Variants in SMIM7 observed in about 807,000 individuals in gnomAD.
SMIM7 encodes the protein small integral membrane protein 7, also known as UPF0608 protein C19orf42.
A neutral mutation model predicts 13.3 loss-of-function variants in SMIM7; 12 were observed. The ratio of observed to expected loss-of-function variants is 0.90; its 90% confidence interval spans 0.58 to 1.46. The LOEUF is 1.46. SMIM7 is among the 40% of genes most tolerant of loss of function. The probability of loss-of-function intolerance (pLI) is 0.00; values close to 1 mark genes in which losing one functional copy is unlikely to be tolerated. For synonymous variants in SMIM7, 36 were observed against 35.8 expected, an observed-to-expected ratio of 1.01 and a Z score of -0.02; for missense variants, 114 against 94.8, an observed-to-expected ratio of 1.20 and a Z score of -0.84.
chr19:16,642,978 C>G (rs1054187067), downstream of SMIM7, among the ~76,000 whole-genome samples: 11 of 151,912 alleles, frequency 7.2e-5, no homozygotes, highest in Non-Finnish European at 1.2e-4. Context: ...CGTGCGCCAC[C>G]ACACCTGGCT....
intron 4 of SMIM7, among the ~76,000 whole-genome samples, chr19:16,650,035 A>T (rs1246289449): frequency 2.0e-5 from 3 of 152,152 alleles, no homozygotes; most frequent in Non-Finnish European, 4.4e-5. Context: ...AATGTTCTGA[A>T]ATTGGATAGA....
intron 4 of SMIM7, among the ~76,000 whole-genome samples, chr19:16,635,899 A>AATATATATATATATATATAT (rs1170352437): frequency 9.1e-6 from 1 of 109,600 alleles, no homozygotes; most frequent in Admixed American, 9.5e-5. Context: ...AAAAAAAAAA[A>AATATATATATATATATATAT]ATATATATAT....
chr19:16,648,616 T>A (rs1380210049), intron 4 of SMIM7, among the ~76,000 whole-genome samples: 1 of 152,180 alleles, frequency 6.6e-6, no homozygotes, highest in Non-Finnish European at 1.5e-5. Context: ...GGGCAGAGAA[T>A]CTTAAGAAGA....
At chr19:16,651,620 T>C (rs2086526101) in intron 4 of SMIM7, among the ~76,000 whole-genome samples, 1 of 152,206 alleles carries the variant, frequency 6.6e-6, no homozygotes, top group Non-Finnish European at 1.5e-5. Flanking sequence ...GAGAGGATGA[T>C]GAAGCAGGTG....
At chr19:16,656,357 C>G (rs953264499) in intron 3 of SMIM7, among the ~76,000 whole-genome samples, 4 of 152,034 alleles carry the variant, frequency 2.6e-5, no homozygotes. Flanking sequence ...CACTGCACGC[C>G]TGGGCAACAG....
At chr19:16,639,210 C>A (rs892057685) in intron 4 of SMIM7, among the ~76,000 whole-genome samples, 7 of 151,566 alleles carry the variant, frequency 4.6e-5, no homozygotes, top group South Asian at 2.1e-4. Context: ...CAAGCTCCGC[C>A]CCCCCAGGTT....
chr19:16,647,356 A>C (rs1217951130), intron 4 of SMIM7, 95 bp from the exon 5 acceptor site: 4 of 1,422,290 alleles, frequency 2.8e-6, no homozygotes, highest in Non-Finnish European at 3.9e-6. Flanking sequence ...ATTACCTATT[A>C]CTTAGATGAT....
downstream of SMIM7, chr19:16,641,555 C>T (rs1312485299): frequency 6.6e-6 from 1 of 152,274 alleles, no homozygotes; most frequent in Non-Finnish European, 1.5e-5. Flanking sequence ...ACCTTGGCCT[C>T]CCAAAGTGCT....
chr19:16,634,043 G>A (rs1190075187), intron 4 of SMIM7: 2 of 152,186 alleles, frequency 1.3e-5, no homozygotes, highest in African/African-American at 2.4e-5. Context: ...GGAGCCTCCA[G>A]GGCTGACTCC....
chr19:16,659,857 C>A lies in SMIM7; in HGVS notation c.68+102G>T, dbSNP rs571119720. 7.8e-5 allele frequency: 115 copies of A among 1,473,800 alleles called. 1 individual carries two copies. The African/African-American group carries it at 1.1e-3, about 15-fold the overall frequency. 91.3% of individuals were successfully genotyped at this position (1,473,800 alleles called of 1,614,324 possible). On this transcript the variant is annotated intron_variant, in intron 2 of 4. Transcript: ENST00000487416. The stretch of plus-strand genomic sequence containing the variant: ...CAGAGGGCGGATAGGGCGGGGCCTG[C>A]GGCTTGGGGGCGGGGCCTGAGAAGT...
chr19:16,646,025 ACT>A (rs1329720408), downstream of SMIM7: 3 of 149,750 alleles, frequency 2.0e-5, no homozygotes, highest in African/African-American at 7.4e-5. Context: ...TCTACCACTG[ACT>A]CTTTTCTTTC....
At chr19:16,634,777 TAAAAAAAAAAA>T (rs71334627) in intron 4 of SMIM7, 12 of 45,406 alleles carry the variant, frequency 2.6e-4, no homozygotes, top group African/African-American at 4.9e-4. Flanking sequence ...GACTCTGTCT[TAAAAAAAAAAA>T]AAAAAAAAAA....
intron 4 of SMIM7, 73 bp downstream of exon 4, chr19:16,653,962 G>T: frequency 2.6e-6 from 3 of 1,138,220 alleles, no homozygotes; most frequent in South Asian, 1.3e-5. Flanking sequence ...GACAGAGAAT[G>T]ACCATCAGGT....
exon 5 of SMIM7, chr19:16,631,194 T>C (rs887438537): frequency 6.6e-6 from 1 of 152,110 alleles, no homozygotes; most frequent in African/African-American, 2.4e-5. Flanking sequence ...GAGACCAGCC[T>C]GGCCAACATG....
At chr19:16,643,496 A>C (rs2086420078), downstream of SMIM7, among the ~76,000 whole-genome samples, 1 of 152,142 alleles carries the variant, frequency 6.6e-6, no homozygotes, top group South Asian at 2.1e-4. Flanking sequence ...TCCCGAGTTC[A>C]AGTGATTCCT....
At chr19:16,656,927 A>G (rs1047325298) in intron 3 of SMIM7, among the ~76,000 whole-genome samples, 1 of 151,950 alleles carries the variant, frequency 6.6e-6, no homozygotes, top group African/African-American at 2.4e-5. Context: ...AAAACAAAAA[A>G]CAGGCTTTCT....
At chr19:16,656,158 G>C (rs978634326) in intron 3 of SMIM7, among the ~76,000 whole-genome samples, 26 of 152,150 alleles carry the variant, frequency 1.7e-4, no homozygotes, top group Admixed American at 3.3e-4. Flanking sequence ...GGCCGAGGCA[G>C]GTGGATCACC....
chr19:16,639,427 A>T (rs930064816), intron 4 of SMIM7, among the ~76,000 whole-genome samples: 2 of 152,054 alleles, frequency 1.3e-5, no homozygotes, highest in African/African-American at 4.8e-5. Flanking sequence ...CGGTCATAAG[A>T]TGTCATTTTT....
chr19:16,644,324 G>A (rs1322879928), downstream of SMIM7, among the ~76,000 whole-genome samples: 1 of 150,840 alleles, frequency 6.6e-6, no homozygotes, highest in African/African-American at 2.4e-5. Flanking sequence ...GTTTTGTCAT[G>A]TTGGCCAGGT....
Sources: gnomAD v4.1 joint callset for allele counts (sites outside exome capture counted in the v4.1 genomes callset) on GRCh38, gnomAD v4.1.1 for gene constraint, MANE v1.5 for transcripts, NCBI Gene and HGNC (gene_info 2026-07-23, HGNC 2026-07-21) for gene names.